Variants in THSD4 observed in about 807,000 individuals in gnomAD.
The protein encoded by THSD4 is thrombospondin type-1 domain-containing protein 4.
THSD4 carries 69 observed loss-of-function variants against 119.0 expected under a neutral mutation model. That is an observed-to-expected ratio of 0.58 (90% confidence interval 0.48 to 0.71). The LOEUF (loss-of-function observed/expected upper bound fraction) is 0.71, where lower values mean the gene tolerates loss of function less well. THSD4 is among the 30% of genes least tolerant of loss of function. The pLI is 0.00. For missense variants in THSD4, 1,393 were observed against 1,391.1 expected (o/e 1.00, Z -0.02); for synonymous variants, 524 against 540.4 (o/e 0.97, Z 0.42).
intron 7 of THSD4, among the ~76,000 whole-genome samples, chr15:71,558,799 A>G (rs1198076137): frequency 1.3e-5 from 2 of 152,110 alleles, no homozygotes; most frequent in Admixed American, 6.5e-5. Context: ...AAAATTTTTC[A>G]TTATGATATT....
intron 6 of THSD4, among the ~76,000 whole-genome samples, chr15:71,283,737 T>A (rs1022164136): frequency 1.3e-5 from 2 of 152,228 alleles, no homozygotes; most frequent in Admixed American, 1.3e-4. Flanking sequence ...TCACAAAGAT[T>A]GGTCATCATG....
At chr15:71,531,659 A>G (rs1016290680) in intron 7 of THSD4, among the ~76,000 whole-genome samples, 1 of 152,240 alleles carries the variant, frequency 6.6e-6, no homozygotes, top group African/African-American at 2.4e-5. Context: ...AAAACAGAGA[A>G]TACACTCGTG....
At chr15:71,734,200 A>G (rs1194980969) in intron 10 of THSD4, among the ~76,000 whole-genome samples, 1 of 152,192 alleles carries the variant, frequency 6.6e-6, no homozygotes, top group African/African-American at 2.4e-5. Flanking sequence ...ATATTCAGTC[A>G]AAATAGAAAT....
intron 7 of THSD4, among the ~76,000 whole-genome samples, chr15:71,560,103 ATAT>A (rs1273358797): frequency 2.6e-5 from 4 of 152,222 alleles, no homozygotes; most frequent in Admixed American, 6.5e-5. Context: ...CTGATTCAGC[ATAT>A]TCAATAAATT....
intron 7 of THSD4, among the ~76,000 whole-genome samples, chr15:71,542,819 G>A (rs1454285996): frequency 6.6e-6 from 1 of 151,688 alleles, no homozygotes; most frequent in Non-Finnish European, 1.5e-5. Flanking sequence ...GGAGCTTGCA[G>A]TGAGCCGAGA....
intron 11 of THSD4, among the ~76,000 whole-genome samples, chr15:71,742,918 A>T (rs574274786): frequency 6.6e-6 from 1 of 152,226 alleles, no homozygotes; most frequent in East Asian, 1.9e-4. Flanking sequence ...AGCCAGGCGC[A>T]GTGGCAGGCA....
intron 6 of THSD4, among the ~76,000 whole-genome samples, chr15:71,278,025 C>T (rs2044611647): frequency 6.6e-6 from 1 of 152,196 alleles, no homozygotes. Flanking sequence ...AAAAATACCA[C>T]CACTACTGCC....
chr15:71,701,908 T>C (rs758223982), intron 8 of THSD4, among the ~76,000 whole-genome samples: 63 of 152,248 alleles, frequency 4.1e-4, no homozygotes, highest in Non-Finnish European at 7.6e-4. Flanking sequence ...GCTTCTGTGA[T>C]TTAAAAAAAA....
chr15:71,172,007 T>C (rs928647958), intron 3 of THSD4: 10 of 152,174 alleles, frequency 6.6e-5, no homozygotes, highest in Non-Finnish European at 1.5e-4. Context: ...AAATGAAGCA[T>C]TTTAGCTTAT....
chr15:71,549,695 G>A (rs1312482339), intron 7 of THSD4: 1 of 152,184 alleles, frequency 6.6e-6, no homozygotes, highest in East Asian at 1.9e-4. Flanking sequence ...CCCTTTGGAT[G>A]TTCCTAAAAA....
At chr15:71,589,391 T>G (rs1326507952) in intron 7 of THSD4, among the ~76,000 whole-genome samples, 1 of 138,344 alleles carries the variant, frequency 7.2e-6, no homozygotes, top group Admixed American at 7.3e-5. Flanking sequence ...AGAGTCTCAC[T>G]GTCATTCAGG....
At chr15:71,201,742 G>C (rs1162080929) in intron 3 of THSD4, among the ~76,000 whole-genome samples, 1 of 152,220 alleles carries the variant, frequency 6.6e-6, no homozygotes, top group African/African-American at 2.4e-5. Context: ...GGCTCTGAGA[G>C]GGATTCTTGG....
chr15:71,097,394 G>A lies in THSD4; in HGVS notation c.-80+388G>A, dbSNP rs541388508. 3.9e-5 allele frequency among the ~76,000 whole-genome samples: 6 copies of A among 151,956 alleles called. No homozygotes were observed. In the South Asian group the frequency reaches 6.2e-4, roughly 16 times the overall value. ...AGCCTGAGCAACATGGTGAAACCCC[G>A]TCTCTACAAAAAATACAAAAATTAG... is the stretch of plus-strand genomic sequence containing the variant. On this transcript the variant is annotated intron_variant, in intron 1 of 17. Transcript: ENST00000355327.
intron 8 of THSD4, among the ~76,000 whole-genome samples, chr15:71,695,336 T>C (rs2052140632): frequency 6.6e-6 from 1 of 151,954 alleles, no homozygotes; most frequent in Admixed American, 6.6e-5. Flanking sequence ...TGTATGTGTA[T>C]GTGTGTGTGT....
At chr15:71,341,561 A>G (rs1412492087) in intron 6 of THSD4, 1 of 1,607,348 alleles carries the variant, frequency 6.2e-7, no homozygotes, top group South Asian at 1.1e-5. Flanking sequence ...CTGTAAAGTG[A>G]CATCTTTCAG....
At chr15:71,138,977 C>CCCG (rs2040577139) in intron 1 of THSD4, among the ~76,000 whole-genome samples, 1 of 149,418 alleles carries the variant, frequency 6.7e-6, no homozygotes, top group African/African-American at 2.5e-5. Context: ...GTATCCCTCC[C>CCCG]CCCCCCATTT....
intron 7 of THSD4, among the ~76,000 whole-genome samples, chr15:71,629,129 G>A (rs188838305): frequency 7.9e-5 from 12 of 152,204 alleles, no homozygotes; most frequent in Middle Eastern, 3.4e-3. Context: ...ATCTGTCACC[G>A]GGTTGGCTCA....
intron 8 of THSD4, among the ~76,000 whole-genome samples, chr15:71,703,188 T>A (rs1595876598): frequency 6.6e-6 from 1 of 152,306 alleles, no homozygotes; most frequent in East Asian, 1.9e-4. Context: ...TTGGCCAGGC[T>A]GGTCTCGAAC....
chr15:71,620,964 A>G (rs990460564), intron 7 of THSD4, among the ~76,000 whole-genome samples: 8 of 152,172 alleles, frequency 5.3e-5, no homozygotes, highest in African/African-American at 1.9e-4. Flanking sequence ...CTTTGGCTGT[A>G]AATTTATTGA....
Sources: gnomAD v4.1 joint callset for allele counts (sites outside exome capture counted in the v4.1 genomes callset) on GRCh38, gnomAD v4.1.1 for gene constraint, MANE v1.5 for transcripts, NCBI Gene and HGNC (gene_info 2026-07-23, HGNC 2026-07-21) for gene names.